Variants in DENND2B observed in about 807,000 individuals in gnomAD.
The protein encoded by DENND2B is DENN domain-containing protein 2B.
In DENND2B, 32 loss-of-function variants were observed where a neutral mutation model predicts 116.0. The observed-to-expected ratio is 0.28, with a 90% confidence interval of 0.21 to 0.37. The LOEUF (loss-of-function observed/expected upper bound fraction) is 0.37, where lower values mean the gene tolerates loss of function less well. DENND2B is among the 10% of genes least tolerant of loss of function. The pLI is 1.00. For missense variants in DENND2B, 1,276 were observed against 1,477.7 expected (o/e 0.86, Z 2.24); for synonymous variants, 588 against 583.9 (o/e 1.01, Z -0.10).
At chr11:8,701,687 C>G (rs1394313679) in intron 14 of DENND2B, among the ~76,000 whole-genome samples, 1 of 152,138 alleles carries the variant, frequency 6.6e-6, no homozygotes, top group Non-Finnish European at 1.5e-5. Flanking sequence ...TGTGTCACCC[C>G]CTAACCACCA....
At chr11:8,774,261 C>T in intron 1 of DENND2B, 2 of 985,454 alleles carry the variant, frequency 2.0e-6, no homozygotes, top group Non-Finnish European at 2.4e-6. Context: ...GCAGTCTCTT[C>T]CAGAAACGGC....
At chr11:8,832,853 C>A (rs539718123) in intron 4 of DENND2B, among the ~76,000 whole-genome samples, 10 of 152,356 alleles carry the variant, frequency 6.6e-5, no homozygotes, top group African/African-American at 1.7e-4. Context: ...GAGGCCCTGA[C>A]AGAACAAGCC....
intron 14 of DENND2B, among the ~76,000 whole-genome samples, chr11:8,701,438 T>C (rs184768053): frequency 1.5e-3 from 217 of 148,842 alleles, no homozygotes; most frequent in Non-Finnish European, 2.5e-3. Flanking sequence ...CCTCCAGCCT[T>C]CTTATCAAAC....
At position 8,856,369 on chromosome 11, in the gene DENND2B, G is replaced by C. The variant is rs555572956; in HGVS notation, c.-156+974C>G. ...TGCTGACTTTCAAAGTGTTTTGTTAGAGATGGAAAAAGATTTCTGGGTATG... is the reference window on the plus strand; with the variant it reads ...TGCTGACTTTCAAAGTGTTTTGTTACAGATGGAAAAAGATTTCTGGGTATG... On this transcript the variant is annotated intron_variant, in intron 3 of 6. Coordinates refer to the DENND2B transcript ENST00000524757. Among the ~76,000 whole-genome samples, 106 of 152,288 alleles carry C rather than the reference G, an allele frequency of 7.0e-4. 1 individual carries two copies. Among genetic ancestry groups the C allele is most frequent in the African/African-American group, 2.4e-3 (100 of 41,556 alleles).
intron 1 of DENND2B, among the ~76,000 whole-genome samples, chr11:8,792,796 G>A (rs2059501358): frequency 6.6e-6 from 1 of 152,202 alleles, no homozygotes; most frequent in Non-Finnish European, 1.5e-5. Flanking sequence ...AGGGCGCAGT[G>A]GAAAGAGGCA....
At chr11:8,804,608 G>C (rs182535226) in intron 1 of DENND2B, among the ~76,000 whole-genome samples, 1 of 148,360 alleles carries the variant, frequency 6.7e-6, no homozygotes, top group Non-Finnish European at 1.5e-5. Flanking sequence ...GCAGTGGTGC[G>C]ATCTCAGCTC....
intron 2 of DENND2B, among the ~76,000 whole-genome samples, chr11:8,736,418 T>C (rs534797653): frequency 1.4e-4 from 21 of 152,252 alleles, no homozygotes; most frequent in African/African-American, 4.6e-4. Flanking sequence ...TCTTTTTCTA[T>C]AGGTTACATT....
intron 1 of DENND2B, among the ~76,000 whole-genome samples, chr11:8,794,059 T>C (rs561879180): frequency 2.6e-5 from 4 of 152,336 alleles, no homozygotes; most frequent in South Asian, 2.1e-4. Flanking sequence ...CATGGGTTTA[T>C]AGAAGATGCT....
chr11:8,803,045 C>CA, intron 1 of DENND2B, among the ~76,000 whole-genome samples: 1 of 152,128 alleles, frequency 6.6e-6, no homozygotes, highest in East Asian at 1.9e-4. Context: ...TGATTTCATA[C>CA]AACTTCAAGG....
intron 3 of DENND2B, 138 bp from the exon 4 acceptor site, chr11:8,726,347 A>C: frequency 1.8e-6 from 2 of 1,140,318 alleles, no homozygotes; most frequent in East Asian, 2.6e-5. Flanking sequence ...GGTGGGTCCA[A>C]ACTTACCATC....
chr11:8,761,034 A>C (rs1033226238), intron 1 of DENND2B, among the ~76,000 whole-genome samples: 1 of 152,170 alleles, frequency 6.6e-6, no homozygotes, highest in Non-Finnish European at 1.5e-5. Flanking sequence ...CCTCAAAGAA[A>C]GCCCTTTAAG....
In DENND2B at chr11:8,734,162, T is replaced by C. The variant is rs190093667; in HGVS notation, c.81-2953A>G. On this transcript the variant is annotated intron_variant, in intron 2 of 19. Coordinates refer to ENST00000313726, the MANE Select transcript of DENND2B (RefSeq NM_213618.2). The stretch of plus-strand genomic sequence containing the variant: ...CTCACTTGAGGGTAGAATTCTCTGT[T>C]ATCTGTCTGCATGTTTCTGATTCTA... Among the ~76,000 whole-genome samples, 10 of 152,342 alleles carry C rather than the reference T, an allele frequency of 6.6e-5. No homozygotes were observed. In the East Asian group the frequency reaches 1.7e-3, roughly 26 times the overall value.
chr11:8,707,342 G>T lies in DENND2B; in HGVS notation c.2431-117C>A. 1 of 1,366,084 alleles carries T rather than the reference G, an allele frequency of 7.3e-7. No homozygotes were observed. Among genetic ancestry groups the T allele is most frequent in the East Asian group, 2.4e-5 (1 of 41,012 alleles). The allele number at this position is 1,366,084 out of a possible 1,614,324, so 84.6% of individuals were successfully genotyped here. ...CAGGCTAGCCCAGAAGCTGGGAGAC[G>T]GGAAGGTGGTCTTGCCATGATCTGC... On this transcript the variant is annotated intron_variant, in intron 12 of 19. Transcript: ENST00000313726. The surrounding 1 kb of genome is among the most constrained non-coding windows in gnomAD (Gnocchi z 4.8).
intron 9 of DENND2B, among the ~76,000 whole-genome samples, chr11:8,711,455 C>T (rs911739459): frequency 3.9e-5 from 6 of 152,102 alleles, no homozygotes; most frequent in Non-Finnish European, 5.9e-5. Context: ...CGGTGCTATG[C>T]GCCAGGGCTC....
chr11:8,867,192 T>C (rs75904758), intron 2 of DENND2B, among the ~76,000 whole-genome samples: 2,198 of 152,246 alleles, frequency 0.014, 57 homozygotes, highest in African/African-American at 0.051. Context: ...GAAATCCAGA[T>C]TGTATTCAAA....
Position 8,712,777 on chromosome 11 carries a change from C to G in DENND2B, c.1988-42G>C, listed in dbSNP as rs1272153004. The G allele has an allele frequency of 2.6e-6, 4 of 1,566,822 alleles. No individual in the cohort carries two copies. The highest frequency in any genetic ancestry group is 1.4e-5 in the African/African-American group (1 of 73,976). ...CATCAGGGAATGGACCCTCACAGGC[C>G]TCATGTTAACTCCTCTACCCCTGGC... On this transcript the variant is annotated intron_variant, in intron 8 of 19. Transcript: ENST00000313726. The surrounding 1 kb of genome is among the most constrained non-coding windows in gnomAD (Gnocchi z 4.4).
chr11:8,707,332 G>A lies in DENND2B; in HGVS notation c.2431-107C>T. ...AGCATCTGACCAGGCTAGCCCAGAA[G>A]CTGGGAGACGGGAAGGTGGTCTTGC... is the stretch of plus-strand genomic sequence containing the variant. On this transcript the variant is annotated intron_variant, in intron 12 of 19. Transcript: ENST00000313726. The surrounding 1 kb of genome is among the most constrained non-coding windows in gnomAD (Gnocchi z 4.8). The A allele has an allele frequency of 7.0e-7, 1 of 1,427,816 alleles. No individual in the cohort carries two copies. The highest frequency in any genetic ancestry group is 2.4e-5 in the Admixed American group (1 of 42,006). The allele number at this position is 1,427,816 out of a possible 1,614,324, so 88.4% of individuals were successfully genotyped here. A position where few individuals can be genotyped will look rare whatever the true frequency, so the allele number is the denominator to read the frequency against.
chr11:8,905,911 C>G (rs1217792905), intron 1 of DENND2B, among the ~76,000 whole-genome samples: 1 of 151,304 alleles, frequency 6.6e-6, no homozygotes, highest in East Asian at 2.0e-4. Context: ...TTAAAAGAAG[C>G]CAGGCAAAAA....
chr11:8,903,130 T>C (rs2064189872), intron 1 of DENND2B, among the ~76,000 whole-genome samples: 1 of 152,200 alleles, frequency 6.6e-6, no homozygotes, highest in Non-Finnish European at 1.5e-5. Context: ...AGTGCTGGGA[T>C]TACAGGCATG....
Sources: gnomAD v4.1 joint callset for allele counts (sites outside exome capture counted in the v4.1 genomes callset) on GRCh38, gnomAD v4.1.1 for gene constraint, Gnocchi (gnomAD v3.1) non-coding constraint, MANE v1.5 for transcripts, NCBI Gene and HGNC (gene_info 2026-07-23, HGNC 2026-07-21) for gene names.